Variants in CHD9 observed in about 807,000 individuals in gnomAD.
The protein encoded by CHD9 is ATP-dependent chromatin remodeler CHD9.
A neutral mutation model predicts 316.1 loss-of-function variants in CHD9; 77 were observed. That is an observed-to-expected ratio of 0.24 (90% CI 0.20 to 0.29). The LOEUF (loss-of-function observed/expected upper bound fraction) is 0.29, where lower values mean the gene tolerates loss of function less well. Among genes scored for constraint, CHD9 ranks in the 10% least tolerant of loss-of-function variants. CHD9 has a pLI of 1.00. For missense variants in CHD9, 2,763 were observed against 3,438.1 expected (o/e 0.80, Z 4.91); for synonymous variants, 1,129 against 1,158.3 (o/e 0.97, Z 0.51).
Position 53,287,991 on chromosome 16 carries a change from G to A in CHD9, c.5224G>A (p.Ala1742Thr). 6.2e-7 allele frequency: 1 copy of A among 1,611,094 alleles called. No individual in the cohort carries two copies. The highest frequency in any genetic ancestry group is 8.5e-7 in the Non-Finnish European group (1 of 1,177,252). The change falls in exon 27 of 39, where the codon GCC becomes ACC. Residue 1742 changes from alanine (A) to threonine (T), a missense_variant. Transcript: ENST00000447540. ...VEDPEYKPAP[A>T]IFKDDIEDDV... The stretch of plus-strand genomic sequence containing the variant: ...AGATCCAGAATACAAACCTGCCCCA[G>A]CCATCTTTAAAGATGATATAGAGGT...
At chr16:53,257,872 G>A (rs2216070) in intron 19 of CHD9, among the ~76,000 whole-genome samples, 4,932 of 152,046 alleles carry the variant, frequency 0.032, 100 homozygotes, top group Middle Eastern at 0.071. Flanking sequence ...TTTTTTCCTG[G>A]GAAATCTTAC....
intron 1 of CHD9, among the ~76,000 whole-genome samples, chr16:53,124,782 G>A (rs1597063597): frequency 1.3e-5 from 2 of 151,946 alleles, no homozygotes; most frequent in African/African-American, 2.4e-5. Flanking sequence ...ACCCAGCCTC[G>A]TGAGACTTAC....
rs2046166268 is a variant in CHD9 at position 53,209,586 on chromosome 16, A to G, written c.1557A>G (p.Ser519=). ...AGAAGCAGAGAAAAAAGGTGGAATCAGAAAGCAAGCAAGAAAAGGCTAATC... is the reference window on the plus strand; with the variant it reads ...AGAAGCAGAGAAAAAAGGTGGAATCGGAAAGCAAGCAAGAAAAGGCTAATC... ...SEKKQRKKVE[S]ESKQEKANRI... The change falls in exon 3 of 39, where the codon TCA becomes TCG. Residue 519 remains serine, a synonymous_variant. Coordinates refer to ENST00000447540, the MANE Select transcript of CHD9 (RefSeq NM_001308319.2). 1 of 1,613,848 alleles carries G rather than the reference A, an allele frequency of 6.2e-7. No homozygotes were observed. Among genetic ancestry groups the G allele is most frequent in the Non-Finnish European group, 8.5e-7 (1 of 1,179,850 alleles).
chr16:53,116,011 A>T (rs1222720650), intron 1 of CHD9, among the ~76,000 whole-genome samples: 1 of 152,326 alleles, frequency 6.6e-6, no homozygotes, highest in African/African-American at 2.4e-5. Context: ...TCAGTTATCT[A>T]GAAAGAGGAG....
intron 17 of CHD9, among the ~76,000 whole-genome samples, chr16:53,250,801 T>C (rs1375232094): frequency 1.3e-5 from 2 of 152,044 alleles, no homozygotes; most frequent in Non-Finnish European, 2.9e-5. Flanking sequence ...CTTAATTGCA[T>C]TGCAATTCAT....
intron 34 of CHD9, among the ~76,000 whole-genome samples, chr16:53,313,036 G>A (rs1289129483): frequency 2.0e-5 from 3 of 152,096 alleles, no homozygotes; most frequent in Admixed American, 6.6e-5. Context: ...ATACTGCATA[G>A]TACATAGCTG....
At chr16:53,289,080 AGAGT>A (rs780565237) in intron 27 of CHD9, among the ~76,000 whole-genome samples, 21 of 152,262 alleles carry the variant, frequency 1.4e-4, no homozygotes, top group Non-Finnish European at 2.5e-4. Context: ...CATGCAATAA[AGAGT>A]AAGATTAGAC....
chr16:53,180,462 A>G (rs180905678), intron 2 of CHD9, among the ~76,000 whole-genome samples: 17 of 152,290 alleles, frequency 1.1e-4, no homozygotes, highest in Admixed American at 1.0e-3. Context: ...GGGGAGAGAA[A>G]TATGACAAGG....
chr16:53,217,952 CTTTCTTTT>C (rs1251368408), intron 3 of CHD9, among the ~76,000 whole-genome samples: 16 of 126,956 alleles, frequency 1.3e-4, no homozygotes, highest in African/African-American at 4.7e-4. Context: ...TTCTTTCTTT[CTTTCTTTT>C]TTTTTTTAAT....
At chr16:53,234,081 G>T (rs767782584) in intron 10 of CHD9, among the ~76,000 whole-genome samples, 2 of 151,970 alleles carry the variant, frequency 1.3e-5, no homozygotes, top group Non-Finnish European at 2.9e-5. Context: ...GATTTCTTTT[G>T]AAAGAAATGT....
At chr16:53,095,480 T>A (rs1261209417) in intron 1 of CHD9, among the ~76,000 whole-genome samples, 1 of 152,008 alleles carries the variant, frequency 6.6e-6, no homozygotes, top group Non-Finnish European at 1.5e-5. Flanking sequence ...GCCCAGGAGA[T>A]TGAGGCTGCA....
chr16:53,248,735 C>T (rs1202969677), intron 16 of CHD9, among the ~76,000 whole-genome samples: 1 of 151,622 alleles, frequency 6.6e-6, no homozygotes, highest in African/African-American at 2.4e-5. Context: ...TTGCCCAAGC[C>T]GATCTCAAAC....
chr16:53,170,065 T>G (rs7196485), intron 2 of CHD9, among the ~76,000 whole-genome samples: 34,332 of 140,440 alleles, frequency 0.24, 4,117 homozygotes, highest in Middle Eastern at 0.33. Flanking sequence ...TTTTGTTTGT[T>G]TTTTTTTGGT....
chr16:53,170,993 A>G (rs375285699), intron 2 of CHD9, among the ~76,000 whole-genome samples: 52 of 152,300 alleles, frequency 3.4e-4, no homozygotes, highest in African/African-American at 1.2e-3. Context: ...CTCTAAAATA[A>G]TGTGTATTAA....
chr16:53,125,487 C>T (rs377687908), intron 1 of CHD9, among the ~76,000 whole-genome samples: 50 of 152,248 alleles, frequency 3.3e-4, no homozygotes, highest in East Asian at 1.4e-3. Context: ...CCACCTGCCT[C>T]GGCCTTCCAA....
chr16:53,131,831 G>T (rs2039344381), intron 1 of CHD9, among the ~76,000 whole-genome samples: 1 of 152,126 alleles, frequency 6.6e-6, no homozygotes, highest in Non-Finnish European at 1.5e-5. Flanking sequence ...TCTCGGTTCC[G>T]ACCGCAGTGC....
intron 2 of CHD9, among the ~76,000 whole-genome samples, chr16:53,165,577 A>G (rs1412824351): frequency 1.3e-5 from 2 of 152,148 alleles, no homozygotes; most frequent in African/African-American, 2.4e-5. Flanking sequence ...GTTATTCTTA[A>G]TACCTCCAGG....
chr16:53,153,696 T>TTTTTTTA (rs1197589244), intron 1 of CHD9, among the ~76,000 whole-genome samples: 1 of 152,080 alleles, frequency 6.6e-6, no homozygotes, highest in Non-Finnish European at 1.5e-5. Flanking sequence ...TGGCTAATTT[T>TTTTTTTA]TTTTTTATTT....
intron 2 of CHD9, among the ~76,000 whole-genome samples, chr16:53,186,105 C>G (rs560469181): frequency 4.1e-4 from 62 of 152,292 alleles, no homozygotes; most frequent in African/African-American, 1.4e-3. Flanking sequence ...ATGATAGATC[C>G]ACTGACATTT....
Sources: gnomAD v4.1 joint callset for allele counts (sites outside exome capture counted in the v4.1 genomes callset) on GRCh38, gnomAD v4.1.1 for gene constraint, MANE v1.5 for transcripts, NCBI Gene and HGNC (gene_info 2026-07-23, HGNC 2026-07-21) for gene names.